UPK1B: variants seen among roughly 807,000 people sequenced by gnomAD.
UPK1B encodes uroplakin 1B, also known as uroplakin-1b.
A neutral mutation model predicts 34.2 loss-of-function variants in UPK1B; 28 were observed. The observed-to-expected ratio is 0.82, with a 90% CI of 0.61 to 1.12. UPK1B has a LOEUF of 1.12. Among genes scored for constraint, UPK1B ranks in the 50% most tolerant of loss-of-function variants. The probability of loss-of-function intolerance (pLI) is 0.00; values close to 1 mark genes in which losing one functional copy is unlikely to be tolerated. For synonymous variants in UPK1B, 81 were observed against 110.4 expected (o/e 0.73, Z 1.67); for missense variants, 325 against 320.9 (o/e 1.01, Z -0.10).
intron 2 of UPK1B, among the ~76,000 whole-genome samples, 181 bp downstream of exon 2, chr3:119,186,991 C>T (rs1424247152): frequency 1.3e-5 from 2 of 152,156 alleles, no homozygotes; most frequent in Non-Finnish European, 2.9e-5. Context: ...GTCAAAAGAT[C>T]ATGGTTGAAA....
chr3:119,177,729 A>G (rs1198202585), intron 1 of UPK1B, among the ~76,000 whole-genome samples: 1 of 152,184 alleles, frequency 6.6e-6, no homozygotes, highest in Non-Finnish European at 1.5e-5. Flanking sequence ...GGCTTTTTTG[A>G]TGCACAGCAA....
Position 119,194,261 on chromosome 3 carries a change from T to A in UPK1B, c.511T>A (p.Tyr171Asn), listed in dbSNP as rs1644272388. The A allele has an allele frequency of 9.9e-6, 16 of 1,613,910 alleles. No individual in the cohort carries two copies. The highest frequency in any genetic ancestry group is 1.4e-5 in the Non-Finnish European group (16 of 1,179,942). Residue 171 changes from tyrosine to asparagine, a missense_variant, in exon 6 of 8, where the codon TAC (tyrosine) becomes AAC (asparagine). Coordinates refer to ENST00000264234, the MANE Select transcript of UPK1B (RefSeq NM_006952.4). Reference sequence around the variant, plus strand: ...AAATGGTCCATCAGACTGGCAAAAATACACATCTGCCTTCCGGACTGAGAA... The same window carrying A: ...AAATGGTCCATCAGACTGGCAAAAAAACACATCTGCCTTCCGGACTGAGAA... Reference protein sequence around the residue: ...GVNGPSDWQKYTSAFRTENND... With the variant: ...GVNGPSDWQKNTSAFRTENND...
intron 3 of UPK1B, among the ~76,000 whole-genome samples, chr3:119,189,887 C>T (rs915718828): frequency 1.3e-5 from 2 of 152,256 alleles, no homozygotes; most frequent in Non-Finnish European, 2.9e-5. Context: ...ACTGAGCATG[C>T]ACATGCATGT....
In UPK1B at chr3:119,190,267, T is replaced by C. The variant is rs763718022; in HGVS notation, c.293T>C (p.Val98Ala). Residue 98 changes from valine to alanine, a missense_variant, in exon 4 of 8, where the codon GTA (valine) becomes GCA (alanine). Physicochemically the swap from Val to Ala is moderately conservative, Grantham distance 64. Transcript: ENST00000264234. ...LLAYFILMFIVYAFEVASCIT... is the reference protein window; with the variant it reads ...LLAYFILMFIAYAFEVASCIT... ...CAGTATTTCATTCTGATGTTTATAG[T>C]ATATGCCTTTGAAGTGGCATCTTGT... 67 of 1,612,246 alleles carry C rather than the reference T, an allele frequency of 4.2e-5. No individual in the cohort carries two copies. The highest frequency in any genetic ancestry group is 5.6e-5 in the Non-Finnish European group (66 of 1,178,726).
rs536838756 is a variant in UPK1B at position 119,177,641 on chromosome 3, T to C, written c.-29+4003T>C. ...ACAAAAACTACCAAAAGTGTAGTCATTGACTTCTAAGTGTGACACCCGTCA... is the reference window on the plus strand; with the variant it reads ...ACAAAAACTACCAAAAGTGTAGTCACTGACTTCTAAGTGTGACACCCGTCA... On this transcript the variant is annotated intron_variant, in intron 1 of 7. Transcript: ENST00000264234. Among the ~76,000 whole-genome samples the C allele has an allele frequency of 2.9e-4, 44 of 152,370 alleles. No homozygotes were observed. In the South Asian group the frequency reaches 6.2e-3, roughly 22 times the overall value.
At chr3:119,199,253 C>G in intron 7 of UPK1B, 113 bp downstream of exon 7, 4 of 1,219,732 alleles carry the variant, frequency 3.3e-6, no homozygotes, top group Non-Finnish European at 4.6e-6. Context: ...AAACCTCAGG[C>G]CTGAAGGCTA....
At position 119,178,514 on chromosome 3, in the gene UPK1B, G is replaced by T. The variant is rs1168078620; in HGVS notation, c.-29+4876G>T. Among the ~76,000 whole-genome samples the T allele has an allele frequency of 2.6e-5, 4 of 152,124 alleles. No homozygotes were observed. In the East Asian group the frequency reaches 7.7e-4, roughly 29 times the overall value. On this transcript the variant is annotated intron_variant, in intron 1 of 7. Transcript: ENST00000264234. ...CAGTGGATCTCAAGATTGGCTAAGT[G>T]GCTGGCACTTGGAAGCCATGTTTAT... is the stretch of plus-strand genomic sequence containing the variant.
At chr3:119,177,355 A>G (rs2077961686) in intron 1 of UPK1B, among the ~76,000 whole-genome samples, 1 of 152,236 alleles carries the variant, frequency 6.6e-6, no homozygotes, top group Non-Finnish European at 1.5e-5. Context: ...CCTTAAAAAG[A>G]ATAATCATTA....
intron 1 of UPK1B, among the ~76,000 whole-genome samples, chr3:119,181,870 G>A (rs1175315858): frequency 6.6e-6 from 1 of 152,174 alleles, no homozygotes; most frequent in East Asian, 1.9e-4. Context: ...TTGGCAATGG[G>A]AGGAAAGAAT....
At chr3:119,185,327 G>T (rs951105900) in intron 1 of UPK1B, among the ~76,000 whole-genome samples, 1 of 152,162 alleles carries the variant, frequency 6.6e-6, no homozygotes, top group South Asian at 2.1e-4. Context: ...ATTTAGCAAG[G>T]CTTGAGACAA....
chr3:119,184,636 C>G (rs1380167885), intron 1 of UPK1B, among the ~76,000 whole-genome samples: 1 of 151,120 alleles, frequency 6.6e-6, no homozygotes, highest in African/African-American at 2.4e-5. Context: ...TGAGGCAGGA[C>G]AATAGCTTGA....
intron 1 of UPK1B, among the ~76,000 whole-genome samples, chr3:119,183,771 C>G (rs190470939): frequency 1.7e-4 from 26 of 152,310 alleles, no homozygotes; most frequent in Non-Finnish European, 2.8e-4. Flanking sequence ...ACCCATCTCT[C>G]AGGTCTGTTG....
intron 5 of UPK1B, among the ~76,000 whole-genome samples, chr3:119,191,826 A>G (rs2107434022): frequency 6.6e-6 from 1 of 151,904 alleles, no homozygotes; most frequent in East Asian, 1.9e-4. Context: ...CTGCCATACT[A>G]TTTGCTTCCT....
At chr3:119,202,894 G>A (rs1331681125) in intron 7 of UPK1B, among the ~76,000 whole-genome samples, 4 of 152,158 alleles carry the variant, frequency 2.6e-5, no homozygotes, top group Non-Finnish European at 4.4e-5. Context: ...GGCAACCCCA[G>A]AAGACAAGGA....
intron 7 of UPK1B, among the ~76,000 whole-genome samples, chr3:119,200,813 T>C (rs1377355527): frequency 6.6e-6 from 1 of 152,248 alleles, no homozygotes; most frequent in Admixed American, 6.5e-5. Flanking sequence ...CAAACAACCA[T>C]AGCGTGTCTG....
intron 3 of UPK1B, among the ~76,000 whole-genome samples, 184 bp from the exon 4 acceptor site, chr3:119,190,061 G>T (rs1204658116): frequency 6.6e-6 from 1 of 152,238 alleles, no homozygotes; most frequent in Non-Finnish European, 1.5e-5. Flanking sequence ...TGGAGAAAAG[G>T]AGAGAATTGA....
chr3:119,201,415 T>C (rs1016271400), intron 7 of UPK1B, among the ~76,000 whole-genome samples: 17 of 152,332 alleles, frequency 1.1e-4, no homozygotes, highest in Admixed American at 2.6e-4. Flanking sequence ...AGCAAAGGCA[T>C]GTCTTACATG....
intron 1 of UPK1B, among the ~76,000 whole-genome samples, chr3:119,177,361 C>T (rs1283897427): frequency 6.6e-6 from 1 of 152,154 alleles, no homozygotes; most frequent in African/African-American, 2.4e-5. Context: ...AAAGAATAAT[C>T]ATTAGTGACA....
In UPK1B at chr3:119,190,946, T is replaced by A. The variant is rs1182719781; in HGVS notation, c.346-36T>A. Reference sequence around the variant, plus strand: ...TTCCTCTCCTTGAAAATTAGCGTGCTATCTCTCCCTCTTGTGTTGCCTCTT... The same window carrying A: ...TTCCTCTCCTTGAAAATTAGCGTGCAATCTCTCCCTCTTGTGTTGCCTCTT... On this transcript the variant is annotated intron_variant, in intron 4 of 7. Coordinates refer to ENST00000264234, the MANE Select transcript of UPK1B (RefSeq NM_006952.4). The A allele has an allele frequency of 5.0e-6, 8 of 1,608,106 alleles. No homozygotes were observed. The East Asian group carries it at 6.7e-5, about 13-fold the overall frequency.
Sources: gnomAD v4.1 joint callset for allele counts (sites outside exome capture counted in the v4.1 genomes callset) on GRCh38, gnomAD v4.1.1 for gene constraint, MANE v1.5 for transcripts, NCBI Gene and HGNC (gene_info 2026-07-23, HGNC 2026-07-21) for gene names.